The following C12orf42 variants were observed in gnomAD, a reference collection of about 807,000 sequenced individuals.
C12orf42 encodes the protein chromosome 12 open reading frame 42, also known as uncharacterized protein C12orf42.
A neutral mutation model predicts 21.6 loss-of-function variants in C12orf42; 25 were observed. The ratio of observed to expected loss-of-function variants is 1.16; its 90% CI spans 0.84 to 1.62. The LOEUF (loss-of-function observed/expected upper bound fraction) is 1.62, where lower values mean the gene tolerates loss of function less well. Ranked by LOEUF, C12orf42 falls within the 40% of genes most tolerant of loss-of-function variation. The pLI is 0.00. For synonymous variants in C12orf42, 174 were observed against 175.0 expected, an observed-to-expected ratio of 0.99 and a Z score of 0.05; for missense variants, 483 against 459.3, an observed-to-expected ratio of 1.05 and a Z score of -0.47.
At chr12:103,050,925 C>A in the C12orf42 span, among the ~76,000 whole-genome samples, 7 of 152,138 alleles carry the variant, frequency 4.6e-5, no homozygotes, top group Admixed American at 4.6e-4. Context: ...TTTACAATTA[C>A]CTTCCTCCTT....
intron 2 of C12orf42, among the ~76,000 whole-genome samples, chr12:103,412,307 A>G (rs1204164922): frequency 6.6e-6 from 1 of 152,240 alleles, no homozygotes; most frequent in African/African-American, 2.4e-5. Context: ...CTAAACAGTA[A>G]TAACCAAATA....
chr12:103,272,212 A>G (rs1344781605), intron 5 of C12orf42, among the ~76,000 whole-genome samples: 1 of 152,298 alleles, frequency 6.6e-6, no homozygotes, highest in Non-Finnish European at 1.5e-5. Context: ...CTCCTGGGGC[A>G]AAACATTGAC....
chr12:103,076,905 T>C, the C12orf42 span, among the ~76,000 whole-genome samples: 1 of 152,188 alleles, frequency 6.6e-6, no homozygotes, highest in Non-Finnish European at 1.5e-5. Context: ...GGTAGTAAGT[T>C]GTGAAATTGG....
At chr12:103,549,020 C>T in the C12orf42 span, 1 of 152,212 alleles carries the variant, frequency 6.6e-6, no homozygotes, top group Non-Finnish European at 1.5e-5. Context: ...CATCCATAAA[C>T]TTGATTTTCC....
the C12orf42 span, among the ~76,000 whole-genome samples, chr12:103,132,228 A>C: frequency 2.0e-5 from 3 of 152,184 alleles, no homozygotes; most frequent in East Asian, 5.8e-4. Flanking sequence ...CCAATAGATC[A>C]CCTAACAGAA....
intron 4 of C12orf42, among the ~76,000 whole-genome samples, chr12:103,342,163 A>G (rs1386638848): frequency 6.6e-6 from 1 of 152,188 alleles, no homozygotes; most frequent in Non-Finnish European, 1.5e-5. Context: ...AAGGGTAGAT[A>G]CCTCTGACAT....
At chr12:103,523,233 T>C in the C12orf42 span, among the ~76,000 whole-genome samples, 1 of 152,170 alleles carries the variant, frequency 6.6e-6, no homozygotes, top group Non-Finnish European at 1.5e-5. Flanking sequence ...CTCATAATAG[T>C]TTATATAATC....
chr12:103,444,612 T>C lies in C12orf42; in HGVS notation c.78+33737A>G, dbSNP rs181748133. Among the ~76,000 whole-genome samples, 348 of 152,208 alleles carry C rather than the reference T, an allele frequency of 2.3e-3. 5 individuals are homozygous for C. The highest frequency in any genetic ancestry group is 0.021 in the Admixed American group (315 of 15,248). On this transcript the variant is annotated intron_variant, in intron 2 of 5. Transcript: ENST00000548883. ...GTGTTAGTTCTATCTTCTGTGGCCA[T>C]ACTCATGTTTGTCTAATTGATTCAT...
At chr12:103,199,627 A>G in the C12orf42 span, among the ~76,000 whole-genome samples, 1 of 152,358 alleles carries the variant, frequency 6.6e-6, no homozygotes, top group Non-Finnish European at 1.5e-5. Context: ...AAAAACAAAT[A>G]ACCTAATGTT....
At chr12:103,378,213 C>T (rs148521941) in intron 3 of C12orf42, among the ~76,000 whole-genome samples, 440 of 152,260 alleles carry the variant, frequency 2.9e-3, no homozygotes, top group African/African-American at 9.7e-3. Context: ...ACTAATTTTA[C>T]AGAGTTTAGG....
At chr12:103,090,520 G>A in the C12orf42 span, among the ~76,000 whole-genome samples, 2 of 152,186 alleles carry the variant, frequency 1.3e-5, no homozygotes, top group Non-Finnish European at 2.9e-5. Flanking sequence ...TAGAGGTGTT[G>A]AGAGATCAGA....
chr12:103,449,257 T>C (rs778595656), intron 2 of C12orf42, among the ~76,000 whole-genome samples: 8 of 152,014 alleles, frequency 5.3e-5, no homozygotes, highest in Non-Finnish European at 1.2e-4. Flanking sequence ...CCAAACATTG[T>C]ATGTTCTCAA....
At chr12:103,347,186 T>C (rs989153869) in intron 4 of C12orf42, among the ~76,000 whole-genome samples, 1 of 152,160 alleles carries the variant, frequency 6.6e-6, no homozygotes, top group African/African-American at 2.4e-5. Context: ...TAGGTATTTC[T>C]CCTGTTATCC....
At chr12:103,066,243 C>T in the C12orf42 span, among the ~76,000 whole-genome samples, 1 of 152,226 alleles carries the variant, frequency 6.6e-6, no homozygotes, top group African/African-American at 2.4e-5. Flanking sequence ...GCTTTCTGAC[C>T]CATCTAGCCA....
Position 103,302,520 on chromosome 12 carries a change from C to T in C12orf42, c.671G>A (p.Arg224Lys), listed in dbSNP as rs770159432. The change falls in exon 6 of 6, where the codon AGG becomes AAG. Residue 224 changes from arginine to lysine, a missense_variant. Transcript: ENST00000548883. ...CAGAGCGCCGGGCGTCTGGCTCCTC[C>T]TGCAGAGGCCGATGGCAGTGGAAGG... ...ARPSTAIGLC[R>K]RSQTPGALQS... is the part of the protein sequence containing the mutation. The T allele has an allele frequency of 1.2e-5, 19 of 1,612,448 alleles. No homozygotes were observed. The highest frequency in any genetic ancestry group is 1.7e-5 in the Admixed American group (1 of 59,948).
At chr12:103,077,764 T>G in the C12orf42 span, among the ~76,000 whole-genome samples, 3 of 152,176 alleles carry the variant, frequency 2.0e-5, no homozygotes, top group Non-Finnish European at 4.4e-5. Flanking sequence ...GACGTTGCTC[T>G]GTGGTGTGTC....
the C12orf42 span, among the ~76,000 whole-genome samples, chr12:103,539,633 G>A: frequency 1.3e-5 from 2 of 151,486 alleles, no homozygotes; most frequent in South Asian, 2.1e-4. Flanking sequence ...GGGCTGGAGT[G>A]CAGTGGCACA....
chr12:103,322,279 C>A (rs1248983021), intron 4 of C12orf42, among the ~76,000 whole-genome samples: 1 of 152,134 alleles, frequency 6.6e-6, no homozygotes, highest in Admixed American at 6.5e-5. Flanking sequence ...GATACCCTAC[C>A]CCCATCCACA....
At chr12:103,364,114 C>T (rs912114212) in intron 4 of C12orf42, among the ~76,000 whole-genome samples, 2 of 151,998 alleles carry the variant, frequency 1.3e-5, no homozygotes, top group Non-Finnish European at 2.9e-5. Context: ...AGCCTCAATA[C>T]ATTTAAGAAA....
Sources: gnomAD v4.1 joint callset for allele counts (sites outside exome capture counted in the v4.1 genomes callset) on GRCh38, gnomAD v4.1.1 for gene constraint, MANE v1.5 for transcripts, NCBI Gene and HGNC (gene_info 2026-07-23, HGNC 2026-07-21) for gene names.